The following PTK7 variants were observed in gnomAD, a reference collection of about 807,000 sequenced individuals.
PTK7 encodes inactive tyrosine-protein kinase 7.
A neutral mutation model predicts 116.6 loss-of-function variants in PTK7; 39 were observed. That is an observed-to-expected ratio of 0.33 (90% CI 0.26 to 0.44). The LOEUF is 0.44. Among genes scored for constraint, PTK7 ranks in the 20% least tolerant of loss-of-function variants. The probability of loss-of-function intolerance (pLI) is 1.00; values close to 1 mark genes in which losing one functional copy is unlikely to be tolerated. For synonymous variants in PTK7, 546 were observed against 563.6 expected, an observed-to-expected ratio of 0.97 and a Z score of 0.44; for missense variants, 1,169 against 1,425.6, an observed-to-expected ratio of 0.82 and a Z score of 2.90.
Position 43,144,324 on chromosome 6 carries a change from T to C in PTK7, c.2252-127T>C, listed in dbSNP as rs911954574. 2.6e-6 allele frequency: 3 copies of C among 1,142,316 alleles called. No individual in the cohort carries two copies. In the African/African-American group the frequency reaches 4.6e-5, roughly 18 times the overall value. The allele number at this position is 1,142,316 out of a possible 1,614,324, so 70.8% of individuals were successfully genotyped here. A position where few individuals can be genotyped will look rare whatever the true frequency, so the allele number is the denominator to read the frequency against. ...ATTATTTCATCATTTGGGCTTGCCC[T>C]TTCATGTGGAGCACTGTGATTGGAC... On this transcript the variant is annotated intron_variant, in intron 14 of 19. Transcript: ENST00000230419.
At chr6:43,091,715 C>T (rs1265175805) in intron 1 of PTK7, among the ~76,000 whole-genome samples, 2 of 152,162 alleles carry the variant, frequency 1.3e-5, no homozygotes, top group African/African-American at 4.8e-5. Flanking sequence ...AAATAAACAA[C>T]TTACAAGTTT....
chr6:43,151,682 GC>G (rs1771102067), intron 17 of PTK7, among the ~76,000 whole-genome samples: 1 of 141,202 alleles, frequency 7.1e-6, no homozygotes, highest in Non-Finnish European at 1.5e-5. Flanking sequence ...GACTACAGGC[GC>G]CCGCCACCAT....
At position 43,139,091 on chromosome 6, in the gene PTK7, G is replaced by T; in HGVS notation, c.1363-45G>T. On this transcript the variant is annotated intron_variant, in intron 8 of 19. Coordinates refer to ENST00000230419, the MANE Select transcript of PTK7 (RefSeq NM_002821.5). This position sits in a 1 kb window ranked among gnomAD's most constrained non-coding sequence, Gnocchi z 4.6. ...ACCCTGGAGGCAGCCTCCAGGGAGA[G>T]GTGGGTGTGGGTTCAGGCTCTGAGG... is the stretch of plus-strand genomic sequence containing the variant. 6.2e-7 allele frequency: 1 copy of T among 1,612,476 alleles called. No homozygotes were observed. The highest frequency in any genetic ancestry group is 8.5e-7 in the Non-Finnish European group (1 of 1,178,870).
At chr6:43,140,735 A>T (rs1770349335) in intron 10 of PTK7, among the ~76,000 whole-genome samples, 2 of 152,142 alleles carry the variant, frequency 1.3e-5, no homozygotes, top group Admixed American at 1.3e-4. Context: ...AAAAAATTTA[A>T]AAATTAGCCA....
chr6:43,129,863 T>C lies in PTK7; in HGVS notation c.470+34T>C, dbSNP rs1438545231. 6.3e-7 allele frequency: 1 copy of C among 1,590,930 alleles called. No individual in the cohort carries two copies. The highest frequency in any genetic ancestry group is 1.3e-5 in the African/African-American group (1 of 74,488). On this transcript the variant is annotated intron_variant, in intron 3 of 19. Coordinates refer to ENST00000230419, the MANE Select transcript of PTK7 (RefSeq NM_002821.5). This position sits in a 1 kb window ranked among gnomAD's most constrained non-coding sequence, Gnocchi z 4.5. ...TCAGGGAGGTGGGGATGAAGAGGGT[T>C]ATTCCGGACAGGGATGTCTCCCCAA...
chr6:43,096,592 G>T (rs1421952243), intron 1 of PTK7, among the ~76,000 whole-genome samples: 3 of 152,222 alleles, frequency 2.0e-5, no homozygotes, highest in Admixed American at 2.0e-4. Context: ...AAGAGGTGGA[G>T]ATGTGAAGGT....
Position 43,151,211 on chromosome 6 carries a change from C to T in PTK7, c.2721+4513C>T, listed in dbSNP as rs1000287664. ...TCCTGACATGCCATCCACCTGCCTTCTTTTTTTTTTTTTTCTTGAGACCGA... is the reference window on the plus strand; with the variant it reads ...TCCTGACATGCCATCCACCTGCCTTTTTTTTTTTTTTTTTCTTGAGACCGA... On this transcript the variant is annotated intron_variant, in intron 17 of 19. Transcript: ENST00000230419. 4.2e-5 allele frequency among the ~76,000 whole-genome samples: 6 copies of T among 141,902 alleles called. No individual in the cohort carries two copies. The East Asian group carries it at 6.2e-4, about 15-fold the overall frequency. The allele number at this position is 141,902 out of a possible 152,430, so 93.1% of individuals were successfully genotyped here. A position where few individuals can be genotyped will look rare whatever the true frequency, so the allele number is the denominator to read the frequency against.
intron 1 of PTK7, among the ~76,000 whole-genome samples, chr6:43,116,317 G>A (rs1768517452): frequency 6.6e-6 from 1 of 152,198 alleles, no homozygotes; most frequent in African/African-American, 2.4e-5. Flanking sequence ...TGGCCAGGCT[G>A]TCCAGGGGCA....
intron 1 of PTK7, among the ~76,000 whole-genome samples, chr6:43,127,868 G>T (rs1582150987): frequency 6.6e-6 from 1 of 151,896 alleles, no homozygotes; most frequent in African/African-American, 2.4e-5. Flanking sequence ...GGCAGAGCTT[G>T]CAGTGAGCCA....
intron 17 of PTK7, among the ~76,000 whole-genome samples, chr6:43,154,988 T>C (rs904102860): frequency 3.3e-5 from 5 of 152,220 alleles, no homozygotes; most frequent in African/African-American, 1.2e-4. Flanking sequence ...ACAGTGCATG[T>C]GTGGAGAGAG....
intron 1 of PTK7, among the ~76,000 whole-genome samples, chr6:43,077,945 G>A (rs1026239250): frequency 1.3e-5 from 2 of 152,212 alleles, no homozygotes; most frequent in African/African-American, 4.8e-5. Flanking sequence ...GGTGGTTATT[G>A]CTCGTGGCAG....
At chr6:43,157,373 T>TTTTTAATAGAG in intron 17 of PTK7, among the ~76,000 whole-genome samples, 1 of 87,014 alleles carries the variant, frequency 1.1e-5, no homozygotes, top group Non-Finnish European at 2.2e-5. Flanking sequence ...TATTTTTTTT[T>TTTTTAATAGAG]TTCTTTTTTT....
At chr6:43,148,837 G>A (rs570856737) in intron 17 of PTK7, among the ~76,000 whole-genome samples, 1 of 151,890 alleles carries the variant, frequency 6.6e-6, no homozygotes, top group African/African-American at 2.4e-5. Flanking sequence ...GAGGCGGGCA[G>A]ATCACGAGGT....
rs1582159156 is a variant in PTK7 at position 43,130,734 on chromosome 6, T to A, written c.812+73T>A. Reference sequence around the variant, plus strand: ...GCATTCTGTAGAAGGGGGTGCGATTTGTATCACAGACATCACAGATTTGTA... The same window carrying A: ...GCATTCTGTAGAAGGGGGTGCGATTAGTATCACAGACATCACAGATTTGTA... On this transcript the variant is annotated intron_variant, in intron 5 of 19. Coordinates refer to ENST00000230419, the MANE Select transcript of PTK7 (RefSeq NM_002821.5). 4 of 1,540,342 alleles carry A rather than the reference T, an allele frequency of 2.6e-6. No individual in the cohort carries two copies. In the East Asian group the frequency reaches 9.1e-5, roughly 35 times the overall value.
chr6:43,142,734 G>C (rs1240832217), intron 13 of PTK7: 1 of 224,716 alleles, frequency 4.5e-6, no homozygotes, highest in Non-Finnish European at 9.0e-6. Flanking sequence ...CTCCTCTGGG[G>C]ACTTGTTTCT....
intron 1 of PTK7, among the ~76,000 whole-genome samples, chr6:43,094,388 T>C (rs916286000): frequency 6.6e-6 from 1 of 151,896 alleles, no homozygotes; most frequent in Non-Finnish European, 1.5e-5. Flanking sequence ...CATTTGATGG[T>C]GGGGTGGTTT....
intron 1 of PTK7, among the ~76,000 whole-genome samples, chr6:43,125,083 A>T (rs1277103219): frequency 6.6e-6 from 1 of 152,050 alleles, no homozygotes; most frequent in African/African-American, 2.4e-5. Flanking sequence ...GAGACAGGAG[A>T]ATCGCTTGAT....
At chr6:43,080,208 C>T (rs1202259500) in intron 1 of PTK7, among the ~76,000 whole-genome samples, 4 of 151,826 alleles carry the variant, frequency 2.6e-5, no homozygotes, top group African/African-American at 7.3e-5. Context: ...AAAAATTAGC[C>T]AGGCGTGGTG....
At chr6:43,147,387 G>A (rs1770787015) in intron 17 of PTK7, among the ~76,000 whole-genome samples, 1 of 152,202 alleles carries the variant, frequency 6.6e-6, no homozygotes, top group South Asian at 2.1e-4. Context: ...GGGGCTTGCT[G>A]TGGCCCGGCC....
Sources: allele counts gnomAD v4.1 joint callset (sites outside exome capture counted in the v4.1 genomes callset), GRCh38; gene constraint gnomAD v4.1.1; non-coding constraint Gnocchi (gnomAD v3.1); transcripts MANE v1.5; gene names NCBI Gene and HGNC (gene_info 2026-07-23, HGNC 2026-07-21).